The following RUNDC3B variants were observed in gnomAD, a reference collection of about 807,000 sequenced individuals.
RUNDC3B encodes RUN domain containing 3B.
Under a neutral mutation model 58.4 loss-of-function variants are expected in RUNDC3B, and 33 were observed. That is an observed-to-expected ratio of 0.56 (90% CI 0.43 to 0.75). RUNDC3B has a LOEUF of 0.75. Among genes scored for constraint, RUNDC3B ranks in the 30% least tolerant of loss-of-function variants. The probability of loss-of-function intolerance (pLI) is 0.00; values close to 1 mark genes in which losing one functional copy is unlikely to be tolerated. For synonymous variants in RUNDC3B, 193 were observed against 195.2 expected (o/e 0.99, Z 0.10); for missense variants, 501 against 535.7 (o/e 0.94, Z 0.64).
chr7:87,823,379 CT>C (rs1254954927), intron 10 of RUNDC3B, among the ~76,000 whole-genome samples: 1 of 150,526 alleles, frequency 6.6e-6, no homozygotes, highest in African/African-American at 2.5e-5. Flanking sequence ...TTTTTTCTTT[CT>C]TTAAAATTGA....
intron 2 of RUNDC3B, among the ~76,000 whole-genome samples, chr7:87,657,871 A>G (rs1824271441): frequency 6.6e-6 from 1 of 152,122 alleles, no homozygotes; most frequent in Non-Finnish European, 1.5e-5. Flanking sequence ...TTCATCCTCC[A>G]CTTGGCAGTA....
intron 1 of RUNDC3B, among the ~76,000 whole-genome samples, chr7:87,646,188 A>T (rs941298163): frequency 1.9e-4 from 29 of 152,206 alleles, no homozygotes; most frequent in African/African-American, 7.0e-4. Flanking sequence ...GTAACCTATG[A>T]GTAATGTAGA....
At chr7:87,714,763 A>G (rs765020947) in intron 4 of RUNDC3B, among the ~76,000 whole-genome samples, 15 of 151,716 alleles carry the variant, frequency 9.9e-5, no homozygotes, top group Non-Finnish European at 1.5e-4. Context: ...CCATATGGAC[A>G]GGCACCCCCC....
intron 4 of RUNDC3B, among the ~76,000 whole-genome samples, chr7:87,720,019 CT>C (rs1830779907): frequency 2.1e-5 from 3 of 143,862 alleles, no homozygotes; most frequent in African/African-American, 7.7e-5. Context: ...GAAAGAAAAA[CT>C]TTGCAAAGCA....
At chr7:87,721,045 CAAAGG>C (rs1830859574) in intron 4 of RUNDC3B, among the ~76,000 whole-genome samples, 2 of 149,922 alleles carry the variant, frequency 1.3e-5, no homozygotes, top group Admixed American at 6.6e-5. Context: ...AATGTCAAAA[CAAAGG>C]AGATTGACTA....
intron 4 of RUNDC3B, among the ~76,000 whole-genome samples, chr7:87,723,859 GA>G (rs1831050060): frequency 6.6e-6 from 1 of 152,042 alleles, no homozygotes; most frequent in African/African-American, 2.4e-5. Flanking sequence ...TGGAATATAG[GA>G]AAAATGTCCA....
chr7:87,667,034 C>A (rs754338323), intron 2 of RUNDC3B, among the ~76,000 whole-genome samples: 1 of 151,980 alleles, frequency 6.6e-6, no homozygotes, highest in Non-Finnish European at 1.5e-5. Flanking sequence ...AAGAATGTCA[C>A]TGGTAGTTTG....
chr7:87,654,850 T>C (rs1231709633), intron 2 of RUNDC3B, among the ~76,000 whole-genome samples: 1 of 151,914 alleles, frequency 6.6e-6, no homozygotes, highest in Non-Finnish European at 1.5e-5. Context: ...AACTCAATAG[T>C]AAGAAAATAA....
chr7:87,792,751 A>G (rs565049086), intron 8 of RUNDC3B, among the ~76,000 whole-genome samples: 35 of 152,208 alleles, frequency 2.3e-4, no homozygotes, highest in Non-Finnish European at 4.0e-4. Flanking sequence ...CCTATATCAA[A>G]AAAGAAGAAA....
chr7:87,747,535 C>T (rs1378151811), intron 6 of RUNDC3B, among the ~76,000 whole-genome samples: 1 of 152,054 alleles, frequency 6.6e-6, no homozygotes, highest in East Asian at 1.9e-4. Context: ...TGGGCGGGAC[C>T]CTAGAACTCC....
chr7:87,639,084 G>A (rs1391649146), intron 1 of RUNDC3B, among the ~76,000 whole-genome samples: 2 of 150,518 alleles, frequency 1.3e-5, no homozygotes, highest in Admixed American at 6.6e-5. Flanking sequence ...CCCCGGAGGC[G>A]GAGCTTGCAG....
At chr7:87,683,047 T>A (rs1001875803) in intron 2 of RUNDC3B, among the ~76,000 whole-genome samples, 1 of 152,178 alleles carries the variant, frequency 6.6e-6, no homozygotes, top group African/African-American at 2.4e-5. Flanking sequence ...CTTCACCTTT[T>A]TGTTTTATTA....
At chr7:87,725,800 G>A (rs1240556540) in intron 4 of RUNDC3B, among the ~76,000 whole-genome samples, 1 of 152,150 alleles carries the variant, frequency 6.6e-6, no homozygotes, top group African/African-American at 2.4e-5. Context: ...GTGTGAGATG[G>A]TACCTCACTG....
chr7:87,729,500 G>T (rs917110383), intron 4 of RUNDC3B, among the ~76,000 whole-genome samples: 6 of 152,172 alleles, frequency 3.9e-5, no homozygotes, highest in Admixed American at 6.5e-5. Flanking sequence ...GCAACACAGG[G>T]CATAACTCAG....
chr7:87,817,554 C>CT (rs750048866), intron 10 of RUNDC3B, among the ~76,000 whole-genome samples: 19 of 152,296 alleles, frequency 1.2e-4, no homozygotes, highest in Non-Finnish European at 2.6e-4. Flanking sequence ...TGGTTCCTGC[C>CT]TTGACTGTCT....
At chr7:87,671,859 T>TC (rs1192548312) in intron 2 of RUNDC3B, among the ~76,000 whole-genome samples, 1 of 152,118 alleles carries the variant, frequency 6.6e-6, no homozygotes, top group African/African-American at 2.4e-5. Flanking sequence ...TGCCTGCCAC[T>TC]CCCCCTGGGA....
At chr7:87,816,092 A>T (rs936568370) in intron 9 of RUNDC3B, 49 bp from the exon 10 acceptor site, 8 of 1,372,206 alleles carry the variant, frequency 5.8e-6, no homozygotes, top group Non-Finnish European at 7.2e-6. Flanking sequence ...TCAAGAAATT[A>T]TTTTTTTGTG....
intron 7 of RUNDC3B, among the ~76,000 whole-genome samples, chr7:87,774,482 AT>A (rs1834508736): frequency 6.6e-6 from 1 of 152,154 alleles, no homozygotes. Flanking sequence ...AGCAAGAATA[AT>A]TTTTTTAAAA....
intron 6 of RUNDC3B, among the ~76,000 whole-genome samples, chr7:87,749,561 C>A (rs1241084343): frequency 6.6e-6 from 1 of 152,020 alleles, no homozygotes; most frequent in Non-Finnish European, 1.5e-5. Flanking sequence ...TCATAAAGAA[C>A]CAATACTTTA....
Sources: allele counts gnomAD v4.1 joint callset (sites outside exome capture counted in the v4.1 genomes callset), GRCh38; gene constraint gnomAD v4.1.1; transcripts MANE v1.5; gene names NCBI Gene and HGNC (gene_info 2026-07-23, HGNC 2026-07-21).